The following CNTN5 variants were observed in gnomAD, a reference collection of about 807,000 sequenced individuals.
The protein encoded by CNTN5 is contactin 5, also known as contactin-5.
Under a neutral mutation model 129.1 loss-of-function variants are expected in CNTN5, and 77 were observed. The ratio of observed to expected loss-of-function variants is 0.60; its 90% confidence interval spans 0.50 to 0.72. The LOEUF is 0.72. Ranked by LOEUF, CNTN5 falls within the 30% of genes least tolerant of loss-of-function variation. The probability of loss-of-function intolerance (pLI) is 0.00; values close to 1 mark genes in which losing one functional copy is unlikely to be tolerated. For missense variants in CNTN5, 1,478 were observed against 1,328.8 expected, an observed-to-expected ratio of 1.11 and a Z score of -1.75; for synonymous variants, 509 against 465.6, an observed-to-expected ratio of 1.09 and a Z score of -1.20.
At chr11:100,145,710 C>T (rs574979621) in intron 13 of CNTN5, among the ~76,000 whole-genome samples, 1 of 152,154 alleles carries the variant, frequency 6.6e-6, no homozygotes, top group Non-Finnish European at 1.5e-5. Context: ...GGCTACATGG[C>T]CTGAAATTCC....
At chr11:99,173,537 G>T (rs1857629042) in intron 1 of CNTN5, among the ~76,000 whole-genome samples, 1 of 152,156 alleles carries the variant, frequency 6.6e-6, no homozygotes, top group Non-Finnish European at 1.5e-5. Context: ...GAAACGTAAT[G>T]GTTATAAGGC....
At chr11:100,172,117 CAAAA>C (rs2138413352) in intron 13 of CNTN5, among the ~76,000 whole-genome samples, 1 of 151,932 alleles carries the variant, frequency 6.6e-6, no homozygotes, top group African/African-American at 2.4e-5. Context: ...GAAGTTAATT[CAAAA>C]TGCAAACGCA....
At chr11:100,094,804 G>GGAAC (rs781357246) in intron 13 of CNTN5, among the ~76,000 whole-genome samples, 2 of 144,178 alleles carry the variant, frequency 1.4e-5, no homozygotes, top group Non-Finnish European at 3.0e-5. Flanking sequence ...AAGGAAGGAA[G>GGAAC]GAAGGAAGGA....
chr11:99,844,743 T>G (rs997192635), intron 4 of CNTN5, 109 bp from the exon 5 acceptor site: 2 of 1,045,242 alleles, frequency 1.9e-6, no homozygotes, highest in African/African-American at 1.6e-5. Context: ...ACCTGTTGAT[T>G]ACAAGAAAAG....
intron 1 of CNTN5, among the ~76,000 whole-genome samples, chr11:99,252,564 T>C (rs988847874): frequency 6.6e-6 from 1 of 151,412 alleles, no homozygotes; most frequent in African/African-American, 2.4e-5. Context: ...CAATTAGGAG[T>C]GTATAAACAT....
intron 7 of CNTN5, among the ~76,000 whole-genome samples, chr11:99,929,573 A>C (rs551112352): frequency 6.6e-6 from 1 of 152,182 alleles, no homozygotes; most frequent in African/African-American, 2.4e-5. Context: ...GGAAGGAAAC[A>C]TGTCCTTCTT....
chr11:100,042,229 T>TC, intron 9 of CNTN5, among the ~76,000 whole-genome samples: 1 of 127,694 alleles, frequency 7.8e-6, no homozygotes, highest in East Asian at 2.2e-4. Flanking sequence ...TTCTCTCTCT[T>TC]TTTTTTTTTT....
chr11:99,373,643 G>A (rs980196556), intron 2 of CNTN5, among the ~76,000 whole-genome samples: 2 of 149,592 alleles, frequency 1.3e-5, no homozygotes, highest in African/African-American at 2.5e-5. Flanking sequence ...AACCTGGGAG[G>A]TGGAGGTTGT....
chr11:99,986,719 C>A (rs1371202992), intron 8 of CNTN5, among the ~76,000 whole-genome samples: 3 of 152,128 alleles, frequency 2.0e-5, no homozygotes, highest in South Asian at 2.1e-4. Context: ...GTTGTTTAAA[C>A]CCATCTCAAA....
At chr11:99,136,121 T>A (rs895559920) in intron 1 of CNTN5, among the ~76,000 whole-genome samples, 2 of 152,162 alleles carry the variant, frequency 1.3e-5, no homozygotes, top group Non-Finnish European at 2.9e-5. Flanking sequence ...TAAGGCCAGG[T>A]ATTCTAATTA....
At chr11:100,022,673 T>G (rs1051073376) in intron 9 of CNTN5, among the ~76,000 whole-genome samples, 1 of 152,212 alleles carries the variant, frequency 6.6e-6, no homozygotes, top group Non-Finnish European at 1.5e-5. Context: ...TTATTTTCTT[T>G]CGGCCTGTTC....
At chr11:100,191,948 G>T (rs1055897810) in intron 14 of CNTN5, among the ~76,000 whole-genome samples, 5 of 151,508 alleles carry the variant, frequency 3.3e-5, no homozygotes, top group African/African-American at 1.2e-4. Context: ...TTTTCACTGT[G>T]CATGTATCAT....
intron 1 of CNTN5, among the ~76,000 whole-genome samples, chr11:99,052,648 A>G (rs1020268753): frequency 9.2e-5 from 14 of 151,902 alleles, no homozygotes; most frequent in African/African-American, 2.9e-4. Flanking sequence ...AGTGCTAATA[A>G]ATTGGGAACA....
chr11:99,213,115 C>T (rs967163045), intron 1 of CNTN5, among the ~76,000 whole-genome samples: 6 of 151,214 alleles, frequency 4.0e-5, no homozygotes, highest in Admixed American at 6.6e-5. Context: ...TGCTTGAACC[C>T]GGGAGGCGGA....
intron 8 of CNTN5, among the ~76,000 whole-genome samples, chr11:99,970,873 T>C (rs1017813563): frequency 7.2e-5 from 11 of 152,090 alleles, no homozygotes; most frequent in African/African-American, 2.7e-4. Context: ...CCTTCAATAG[T>C]TTTTCACTCC....
chr11:99,088,767 A>G (rs957133339), intron 1 of CNTN5, among the ~76,000 whole-genome samples: 4 of 152,210 alleles, frequency 2.6e-5, no homozygotes, highest in Non-Finnish European at 5.9e-5. Flanking sequence ...GTAGAAGAGG[A>G]TGAGAAATTA....
chr11:99,939,215 A>G (rs11221974), intron 7 of CNTN5, among the ~76,000 whole-genome samples: 9,537 of 152,192 alleles, frequency 0.063, 579 homozygotes, highest in East Asian at 0.27. Flanking sequence ...AGTTCAGATC[A>G]CAAGTACCTT....
chr11:99,633,084 A>G lies in CNTN5; in HGVS notation c.55+76815A>G, dbSNP rs150964578. On this transcript the variant is annotated intron_variant, in intron 3 of 24. Transcript: ENST00000524871. ...GAGTCAGGTCATGGTGAAATGGGGAATCAGCTCCCATTTGAAACCTCCAGA... is the reference window on the plus strand; with the variant it reads ...GAGTCAGGTCATGGTGAAATGGGGAGTCAGCTCCCATTTGAAACCTCCAGA... 3.8e-4 allele frequency among the ~76,000 whole-genome samples: 58 copies of G among 152,268 alleles called. 1 individual carries two copies. Among genetic ancestry groups the G allele is most frequent in the African/African-American group, 1.3e-3 (53 of 41,564 alleles).
rs66677238 is a variant in CNTN5, at chr11:100,210,174, C to T, written c.1885-14518C>T. The stretch of plus-strand genomic sequence containing the variant: ...AACACAGTGAAAACCTGCCTCTATA[C>T]AAAAAAAAAAAAAAAAAAATACAAA... On this transcript the variant is annotated intron_variant, in intron 15 of 24. Coordinates refer to ENST00000524871, the MANE Select transcript of CNTN5 (RefSeq NM_014361.4). 3.1e-3 allele frequency among the ~76,000 whole-genome samples: 248 copies of T among 81,004 alleles called. 4 individuals are homozygous for T. The highest frequency in any genetic ancestry group is 6.7e-3 in the Middle Eastern group (1 of 150). The allele number at this position is 81,004 out of a possible 152,430, so 53.1% of individuals were successfully genotyped here. A position where few individuals can be genotyped will look rare whatever the true frequency, so the allele number is the denominator to read the frequency against.
Sources: gnomAD v4.1 joint callset for allele counts (sites outside exome capture counted in the v4.1 genomes callset) on GRCh38, gnomAD v4.1.1 for gene constraint, MANE v1.5 for transcripts, NCBI Gene and HGNC (gene_info 2026-07-23, HGNC 2026-07-21) for gene names.